The following ZMYND11 variants were observed in gnomAD, a reference collection of about 807,000 sequenced individuals.
ZMYND11 encodes zinc finger MYND domain-containing protein 11.
Under a neutral mutation model 84.9 loss-of-function variants are expected in ZMYND11, and 9 were observed. The observed-to-expected ratio is 0.11, with a 90% CI of 0.06 to 0.18. The LOEUF (loss-of-function observed/expected upper bound fraction) is 0.18, where lower values mean the gene tolerates loss of function less well. Among genes scored for constraint, ZMYND11 ranks in the 10% least tolerant of loss-of-function variants. ZMYND11 has a pLI of 1.00. For synonymous variants in ZMYND11, 250 were observed against 244.1 expected, an observed-to-expected ratio of 1.02 and a Z score of -0.23; for missense variants, 409 against 761.0, an observed-to-expected ratio of 0.54 and a Z score of 5.44.
intron 2 of ZMYND11, among the ~76,000 whole-genome samples, chr10:185,248 GTCTTC>G (rs1458589593): frequency 1.3e-5 from 2 of 151,988 alleles, no homozygotes; most frequent in African/African-American, 4.8e-5. Flanking sequence ...GTGCCTCTCT[GTCTTC>G]TGTAAGGGTC....
At chr10:192,708 C>T (rs191205294) in intron 2 of ZMYND11, among the ~76,000 whole-genome samples, 12 of 152,300 alleles carry the variant, frequency 7.9e-5, no homozygotes, top group Non-Finnish European at 1.3e-4. Context: ...TATTTTCCTG[C>T]GTATCTGCAT....
At chr10:143,207 A>G (rs1181893899) in intron 1 of ZMYND11, among the ~76,000 whole-genome samples, 1 of 152,224 alleles carries the variant, frequency 6.6e-6, no homozygotes, top group African/African-American at 2.4e-5. Flanking sequence ...TGAGAAGCGT[A>G]TGGTAAAGAG....
chr10:200,033 T>G (rs1942756494), intron 2 of ZMYND11, among the ~76,000 whole-genome samples: 1 of 151,650 alleles, frequency 6.6e-6, no homozygotes, highest in Non-Finnish European at 1.5e-5. Context: ...CCTGGCTAAA[T>G]AAGAAAATAC....
At position 189,089 on chromosome 10, in the gene ZMYND11, C is replaced by T. The variant is rs549229082; in HGVS notation, c.116+8961C>T. ...GGTTAGGGCATCAATTAATTACTTG[C>T]GTTGCTTACTTTACGGTCAGACCCC... is the stretch of plus-strand genomic sequence containing the variant. On this transcript the variant is annotated intron_variant, in intron 2 of 14. Coordinates refer to ENST00000381604, the MANE Select transcript of ZMYND11 (RefSeq NM_001370100.5). Among the ~76,000 whole-genome samples, 62 of 152,280 alleles carry T rather than the reference C, an allele frequency of 4.1e-4. 1 individual carries two copies. The highest frequency in any genetic ancestry group is 1.3e-3 in the African/African-American group (56 of 41,566).
chr10:234,797 A>AC (rs1192302008), intron 4 of ZMYND11, among the ~76,000 whole-genome samples: 3 of 152,156 alleles, frequency 2.0e-5, no homozygotes, highest in Non-Finnish European at 4.4e-5. Context: ...AGTTCATCAA[A>AC]CTGCTTACTT....
At chr10:235,617 A>G (rs1949816912) in intron 4 of ZMYND11, among the ~76,000 whole-genome samples, 2 of 152,212 alleles carry the variant, frequency 1.3e-5, no homozygotes, top group South Asian at 2.1e-4. Flanking sequence ...GCCACGTTGT[A>G]TAAAAGTTTA....
At chr10:223,351 A>C (rs530584232) in intron 4 of ZMYND11, among the ~76,000 whole-genome samples, 6 of 151,134 alleles carry the variant, frequency 4.0e-5, no homozygotes, top group African/African-American at 1.5e-4. Flanking sequence ...TGTTTCCTCT[A>C]CTCTTTACTG....
rs1445582888 is a variant in ZMYND11, at chr10:241,917, T to TATTTTAGAAATAATGGATTATATG, written c.832-103_832-80dup. 5.1e-5 allele frequency: 70 copies of TATTTTAGAAATAATGGATTATATG among 1,384,842 alleles called. No homozygotes were observed. In the African/African-American group the frequency reaches 9.6e-4, roughly 19 times the overall value. The allele number at this position is 1,384,842 out of a possible 1,614,324, so 85.8% of individuals were successfully genotyped here. On this transcript the variant is annotated intron_variant, in intron 9 of 14. Coordinates refer to ENST00000381604, the MANE Select transcript of ZMYND11 (RefSeq NM_001370100.5). The stretch of plus-strand genomic sequence containing the variant: ...ATGTGTTTAGGAGTTATGAAAGAAA[T>TATTTTAGAAATAATGGATTATATG]ATTTTAGAAATAATGGATTATATGT...
chr10:166,168 C>G (rs1564301180), intron 1 of ZMYND11, among the ~76,000 whole-genome samples: 1 of 152,160 alleles, frequency 6.6e-6, no homozygotes, highest in East Asian at 1.9e-4. Flanking sequence ...ACAGTTTAAT[C>G]TTCCTGACCT....
At position 252,410 on chromosome 10, in the gene ZMYND11, C is replaced by G. The variant is rs1953693817; in HGVS notation, c.1749C>G (p.Ile583Met). Residue 583 changes from isoleucine to methionine, a missense_variant, in exon 15 of 15, where the codon ATC becomes ATG. By Grantham distance (10) the Ile-to-Met change is conservative. Around this residue, in one of 7 missense-constraint regions of ZMYND11, gnomAD observed 16 missense variants for 57.7 expected, o/e 0.28. Coordinates refer to ENST00000381604, the MANE Select transcript of ZMYND11 (RefSeq NM_001370100.5). The surrounding 1 kb of genome is among the most constrained non-coding windows in gnomAD (Gnocchi z 4.6). ...HCCWNTSYCSIKCQQEHWHAE... is the reference protein window; with the variant it reads ...HCCWNTSYCSMKCQQEHWHAE... Reference sequence around the variant, plus strand: ...GCTGGAACACATCCTACTGCTCCATCAAGTGCCAGCAGGAGCACTGGCACG... The same window carrying G: ...GCTGGAACACATCCTACTGCTCCATGAAGTGCCAGCAGGAGCACTGGCACG... 6.2e-7 allele frequency: 1 copy of G among 1,613,884 alleles called. No homozygotes were observed. The highest frequency in any genetic ancestry group is 8.5e-7 in the Non-Finnish European group (1 of 1,180,042).
intron 3 of ZMYND11, 59 bp downstream of exon 3, chr10:210,107 T>C (rs1944925731): frequency 6.4e-7 from 1 of 1,558,664 alleles, no homozygotes; most frequent in Non-Finnish European, 8.8e-7. Context: ...TAAACATTAT[T>C]TAGATACAAC....
At chr10:248,673 T>C (rs1372041026) in intron 13 of ZMYND11, 65 bp downstream of exon 13, 4 of 1,522,736 alleles carry the variant, frequency 2.6e-6, no homozygotes, top group Non-Finnish European at 3.5e-6. Flanking sequence ...TTAGGCTCCT[T>C]TCACTCATGC....
At position 252,386 on chromosome 10, in the gene ZMYND11, C is replaced by T. The variant is rs780111651; in HGVS notation, c.1725C>T (p.Cys575=). Residue 575 remains cysteine (C), a synonymous_variant, in exon 15 of 15, where the codon TGC becomes TGT. Coordinates refer to ENST00000381604, the MANE Select transcript of ZMYND11 (RefSeq NM_001370100.5). The surrounding 1 kb of genome is among the most constrained non-coding windows in gnomAD (Gnocchi z 4.6). ...AGGAGGAGGCCATGTACCACTGCTGCTGGAACACATCCTACTGCTCCATCA... is the reference window on the plus strand; with the variant it reads ...AGGAGGAGGCCATGTACCACTGCTGTTGGAACACATCCTACTGCTCCATCA... ...NCEEEAMYHC[C]WNTSYCSIKC... 1.2e-6 allele frequency: 2 copies of T among 1,614,086 alleles called. No individual in the cohort carries two copies. The highest frequency in any genetic ancestry group is 1.7e-6 in the Non-Finnish European group (2 of 1,180,032).
In ZMYND11 at chr10:147,707, G is replaced by A. The variant is rs963278296; in HGVS notation, c.-20+12148G>A. 2.0e-5 allele frequency: 3 copies of A among 150,216 alleles called. No homozygotes were observed. In the South Asian group the frequency reaches 6.4e-4, roughly 32 times the overall value. The allele number at this position is 150,216 out of a possible 1,614,324, so 9.3% of individuals were successfully genotyped here. On this transcript the variant is annotated intron_variant, in intron 1 of 14. Coordinates refer to ENST00000381604, the MANE Select transcript of ZMYND11 (RefSeq NM_001370100.5). ...AAATCTTTTTGGATTCCTCAAACAC[G>A]CTACTGTATTGCCAGGGAAGATGGA...
chr10:155,209 T>C (rs1008023134), intron 1 of ZMYND11, among the ~76,000 whole-genome samples: 7 of 152,172 alleles, frequency 4.6e-5, no homozygotes, highest in African/African-American at 1.7e-4. Flanking sequence ...TTGAGAAAAG[T>C]GTACGTAAAA....
chr10:210,107 T>G, intron 3 of ZMYND11, 59 bp downstream of exon 3: 1 of 1,558,782 alleles, frequency 6.4e-7, no homozygotes, highest in Admixed American at 1.7e-5. Context: ...TAAACATTAT[T>G]TAGATACAAC....
rs1163307648 is a variant in ZMYND11, at chr10:185,820, AC to A, written c.116+5693del. Among the ~76,000 whole-genome samples, 459 of 147,884 alleles carry A rather than the reference AC, an allele frequency of 3.1e-3. 19 individuals carry two copies. The highest frequency in any genetic ancestry group is 0.011 in the African/African-American group (424 of 39,862). On this transcript the variant is annotated intron_variant, in intron 2 of 14. Transcript: ENST00000381604. ...ACGAGTGAAACTCCGTCTCAAAAAA[AC>A]AAAAAAACAAAAAAACAAAAAAAAA...
At chr10:145,702 GA>G (rs1317881638) in intron 1 of ZMYND11, among the ~76,000 whole-genome samples, 1 of 152,080 alleles carries the variant, frequency 6.6e-6, no homozygotes, top group Non-Finnish European at 1.5e-5. Context: ...CTTTCTTTGA[GA>G]AGTGTCTATT....
chr10:240,158 AATTT>A (rs776098183), intron 8 of ZMYND11, 47 bp downstream of exon 8: 16 of 1,437,906 alleles, frequency 1.1e-5, no homozygotes, highest in Admixed American at 2.1e-5. Flanking sequence ...AACTGAAATT[AATTT>A]ATTTCAGGAT....
Sources: allele counts gnomAD v4.1 joint callset (sites outside exome capture counted in the v4.1 genomes callset), GRCh38; gene constraint gnomAD v4.1.1; regional missense constraint gnomAD v4.1.1; non-coding constraint Gnocchi (gnomAD v3.1); transcripts MANE v1.5; gene names NCBI Gene and HGNC (gene_info 2026-07-23, HGNC 2026-07-21).